CREB5: variants seen among roughly 807,000 people sequenced by gnomAD.
The protein encoded by CREB5 is cAMP responsive element binding protein 5, also known as cyclic AMP-responsive element-binding protein 5.
In CREB5, 19 loss-of-function variants were observed where a neutral mutation model predicts 57.1. The observed-to-expected ratio is 0.33, with a 90% CI of 0.23 to 0.49. The LOEUF is 0.49. Among genes scored for constraint, CREB5 ranks in the 20% least tolerant of loss-of-function variants. CREB5 has a pLI of 0.99. For synonymous variants in CREB5, 238 were observed against 238.3 expected (o/e 1.00, Z 0.01); for missense variants, 579 against 671.6 (o/e 0.86, Z 1.52).
intron 1 of CREB5, among the ~76,000 whole-genome samples, chr7:28,365,150 G>T (rs562295614): frequency 1.3e-5 from 2 of 152,004 alleles, no homozygotes; most frequent in Non-Finnish European, 2.9e-5. Flanking sequence ...TCAAACATTC[G>T]TCTCTCTGGT....
chr7:28,708,845 C>T (rs1483045567), intron 5 of CREB5, among the ~76,000 whole-genome samples: 1 of 152,174 alleles, frequency 6.6e-6, no homozygotes, highest in Admixed American at 6.5e-5. Context: ...CTCTCTGCCT[C>T]TGCAGAATAC....
intron 5 of CREB5, among the ~76,000 whole-genome samples, chr7:28,671,866 C>T (rs2128719448): frequency 6.6e-6 from 1 of 152,300 alleles, no homozygotes; most frequent in African/African-American, 2.4e-5. Context: ...AGAGACCTTA[C>T]AGATTAGCTC....
rs1303124029 is a variant in CREB5 at position 28,507,741 on chromosome 7, G to A, written c.291+4G>A. ...GGAAGAGGAGAGCAGCAAGCGGGTAGGTTTGCTTGGATGGCCGCCTTGAGA... is the reference window on the plus strand; with the variant it reads ...GGAAGAGGAGAGCAGCAAGCGGGTAAGTTTGCTTGGATGGCCGCCTTGAGA... On this transcript the variant is annotated splice_donor_region_variant and intron_variant, in intron 4 of 10. Coordinates refer to ENST00000357727, the MANE Select transcript of CREB5 (RefSeq NM_182898.4). 2 of 1,595,180 alleles carry A rather than the reference G, an allele frequency of 1.3e-6. No homozygotes were observed. The highest frequency in any genetic ancestry group is 2.7e-5 in the African/African-American group (2 of 74,688).
chr7:28,412,296 T>C (rs1412062480), upstream of CREB5, among the ~76,000 whole-genome samples: 1 of 152,242 alleles, frequency 6.6e-6, no homozygotes, highest in Non-Finnish European at 1.5e-5. Context: ...CCATATCCAC[T>C]AGATGTGGAT....
chr7:28,796,160 G>A (rs1171449036), intron 7 of CREB5, among the ~76,000 whole-genome samples: 1 of 152,096 alleles, frequency 6.6e-6, no homozygotes, highest in East Asian at 1.9e-4. Flanking sequence ...ATCTCAAAAG[G>A]AAACCCTGGA....
intron 7 of CREB5, among the ~76,000 whole-genome samples, chr7:28,736,256 G>A (rs1340524458): frequency 4.0e-5 from 6 of 149,296 alleles, no homozygotes; most frequent in South Asian, 2.1e-4. Context: ...TGCAACCTCC[G>A]CTTCCCAGGT....
rs575819697 is a variant in CREB5 at position 28,782,745 on chromosome 7, G to A, written c.703-21454G>A. On this transcript the variant is annotated intron_variant, in intron 7 of 10. Transcript: ENST00000357727. ...CTTGGGGGAAATTTTAGAAATTAGC[G>A]GATTGTCAAGGGAAAAGCTAAGTTC... 1.4e-4 allele frequency among the ~76,000 whole-genome samples: 22 copies of A among 152,224 alleles called. No homozygotes were observed. The East Asian group carries it at 1.5e-3, about 11-fold the overall frequency.
intron 5 of CREB5, among the ~76,000 whole-genome samples, chr7:28,587,162 G>A (rs186615801): frequency 2.2e-4 from 34 of 152,294 alleles, no homozygotes; most frequent in Middle Eastern, 3.4e-3. Flanking sequence ...GAGACTCAGA[G>A]AAAGTACAGT....
chr7:28,469,622 A>C (rs1309169499), intron 1 of CREB5, among the ~76,000 whole-genome samples: 1 of 152,234 alleles, frequency 6.6e-6, no homozygotes, highest in Non-Finnish European at 1.5e-5. Context: ...TTACATGATT[A>C]TAGAACCATA....
intron 1 of CREB5, among the ~76,000 whole-genome samples, chr7:28,362,708 A>G (rs1272324250): frequency 6.6e-6 from 1 of 152,226 alleles, no homozygotes; most frequent in African/African-American, 2.4e-5. Context: ...GTGTTTATAC[A>G]TGCCTGTAGC....
chr7:28,410,650 C>T, upstream of CREB5: 1 of 430,718 alleles, frequency 2.3e-6, no homozygotes, highest in South Asian at 1.6e-5. Flanking sequence ...CTGGAGCGGG[C>T]TACTTGTATA....
At chr7:28,753,192 T>C (rs185288136) in intron 7 of CREB5, among the ~76,000 whole-genome samples, 575 of 152,302 alleles carry the variant, frequency 3.8e-3, no homozygotes, top group African/African-American at 0.013. Context: ...AGGAAATGAT[T>C]TGGGAAATTG....
At chr7:28,611,257 AC>A (rs1357026258) in intron 5 of CREB5, among the ~76,000 whole-genome samples, 2 of 151,788 alleles carry the variant, frequency 1.3e-5, no homozygotes, top group Admixed American at 6.6e-5. Context: ...AGTAAATCGC[AC>A]CCCTGTATTA....
chr7:28,410,335 C>G (rs1213598351), upstream of CREB5: 2 of 456,692 alleles, frequency 4.4e-6, no homozygotes, highest in Admixed American at 4.7e-5. Context: ...AATGACAGCT[C>G]CGGCTCGAGC....
intron 5 of CREB5, among the ~76,000 whole-genome samples, chr7:28,630,918 A>C (rs932628490): frequency 3.3e-5 from 5 of 152,152 alleles, no homozygotes; most frequent in African/African-American, 1.2e-4. Flanking sequence ...GAACGCTATG[A>C]GGTACGTATG....
intron 1 of CREB5, among the ~76,000 whole-genome samples, chr7:28,375,169 T>C (rs1786796028): frequency 6.6e-6 from 1 of 152,188 alleles, no homozygotes; most frequent in Non-Finnish European, 1.5e-5. Context: ...TAAGACCTCC[T>C]TAGAAAAAAA....
chr7:28,322,721 T>G (rs915924570), intron 1 of CREB5, among the ~76,000 whole-genome samples: 2 of 152,152 alleles, frequency 1.3e-5, no homozygotes, highest in African/African-American at 4.8e-5. Context: ...TCTGTTCCTG[T>G]GTTAGTTTGC....
chr7:28,509,365 G>A (rs1792608428), intron 4 of CREB5, among the ~76,000 whole-genome samples: 1 of 152,200 alleles, frequency 6.6e-6, no homozygotes, highest in South Asian at 2.1e-4. Context: ...AATTCTTGCA[G>A]ATCTGAATTC....
intron 7 of CREB5, among the ~76,000 whole-genome samples, chr7:28,733,692 C>T (rs997560583): frequency 5.3e-5 from 8 of 152,128 alleles, no homozygotes; most frequent in Admixed American, 6.5e-5. Flanking sequence ...CCTGCCTCGC[C>T]GCCAGCCTGC....
Sources: gnomAD v4.1 joint callset for allele counts (sites outside exome capture counted in the v4.1 genomes callset) on GRCh38, gnomAD v4.1.1 for gene constraint, MANE v1.5 for transcripts, NCBI Gene and HGNC (gene_info 2026-07-23, HGNC 2026-07-21) for gene names.